XRCC6: variants seen among roughly 807,000 people sequenced by gnomAD.
The protein encoded by XRCC6 is DNA repair protein Ku70.
Under a neutral mutation model 65.7 loss-of-function variants are expected in XRCC6, and 5 were observed. The ratio of observed to expected loss-of-function variants is 0.08; its 90% CI spans 0.04 to 0.16. The LOEUF (loss-of-function observed/expected upper bound fraction) is 0.16, where lower values mean the gene tolerates loss of function less well. Among genes scored for constraint, XRCC6 ranks in the 10% least tolerant of loss-of-function variants. The pLI is 1.00. For missense variants in XRCC6, 447 were observed against 738.1 expected (o/e 0.61, Z 4.57); for synonymous variants, 270 against 270.6 (o/e 1.00, Z 0.02).
intron 7 of XRCC6, among the ~76,000 whole-genome samples, chr22:41,647,702 A>G (rs1477185710): frequency 1.3e-5 from 2 of 151,950 alleles, no homozygotes; most frequent in African/African-American, 4.8e-5. Flanking sequence ...GATTACAGAC[A>G]TTGGCCACTG....
intron 9 of XRCC6, among the ~76,000 whole-genome samples, chr22:41,655,240 GA>G (rs1025231160): frequency 2.6e-5 from 4 of 151,342 alleles, no homozygotes; most frequent in East Asian, 3.9e-4. Flanking sequence ...CTTTAAGGAG[GA>G]AAAAAATATA....
intron 5 of XRCC6, among the ~76,000 whole-genome samples, chr22:41,637,169 C>T (rs774997148): frequency 3.3e-5 from 5 of 150,120 alleles, no homozygotes; most frequent in East Asian, 2.0e-4. Context: ...CTGCAACCTC[C>T]GCCTTCCAGA....
chr22:41,624,950 T>C (rs2067653464), intron 2 of XRCC6, among the ~76,000 whole-genome samples: 1 of 151,798 alleles, frequency 6.6e-6, no homozygotes, highest in South Asian at 2.1e-4. Flanking sequence ...TGAGCCGAGA[T>C]TGCGCCACTG....
chr22:41,621,504 T>A (rs1372705988), intron 1 of XRCC6, 159 bp downstream of exon 1: 1 of 167,020 alleles, frequency 6.0e-6, no homozygotes, highest in Non-Finnish European at 1.3e-5. Flanking sequence ...GAGACCACGC[T>A]CCTTCCTCGG....
intron 6 of XRCC6, among the ~76,000 whole-genome samples, chr22:41,645,630 A>C (rs1032157451): frequency 6.6e-6 from 1 of 151,962 alleles, no homozygotes; most frequent in African/African-American, 2.4e-5. Flanking sequence ...TCCCAAAGAA[A>C]AATTGGGGTG....
At chr22:41,629,514 G>A (rs1453184219) in intron 3 of XRCC6, among the ~76,000 whole-genome samples, 4 of 152,198 alleles carry the variant, frequency 2.6e-5, no homozygotes, top group Non-Finnish European at 5.9e-5. Flanking sequence ...AACGCAGAGG[G>A]GTGGTTGGTT....
intron 6 of XRCC6, among the ~76,000 whole-genome samples, chr22:41,645,458 A>G (rs540501719): frequency 6.6e-6 from 1 of 152,204 alleles, no homozygotes; most frequent in South Asian, 2.1e-4. Flanking sequence ...ATCCTCTGGA[A>G]TCACATCCTT....
intron 2 of XRCC6, among the ~76,000 whole-genome samples, chr22:41,626,791 C>T (rs921387364): frequency 2.6e-5 from 4 of 152,096 alleles, no homozygotes; most frequent in African/African-American, 4.8e-5. Flanking sequence ...GTGTCCACCA[C>T]CACGCCCAGC....
chr22:41,639,329 C>CTTTTTTTTTTGTTTTTTT (rs2067847536), intron 6 of XRCC6, among the ~76,000 whole-genome samples: 1 of 64,560 alleles, frequency 1.5e-5, no homozygotes, highest in Non-Finnish European at 2.7e-5. Flanking sequence ...GATTCTTTTT[C>CTTTTTTTTTTGTTTTTTT]TTTTTTTTTT....
intron 11 of XRCC6, among the ~76,000 whole-genome samples, chr22:41,660,521 CAG>C (rs746089162): frequency 5.9e-5 from 9 of 152,264 alleles, no homozygotes; most frequent in South Asian, 2.1e-4. Flanking sequence ...ATGCAGCTAT[CAG>C]GGGATTCTTT....
intron 12 of XRCC6, among the ~76,000 whole-genome samples, chr22:41,662,878 C>A (rs777997691): frequency 2.0e-5 from 3 of 152,070 alleles, no homozygotes; most frequent in Admixed American, 6.6e-5. Context: ...GTCAGGAGTT[C>A]AAGACCAGCC....
chr22:41,632,559 C>G lies in XRCC6; in HGVS notation c.196-3554C>G, dbSNP rs531386116. Among the ~76,000 whole-genome samples, 47 of 152,122 alleles carry G rather than the reference C, an allele frequency of 3.1e-4. 1 individual carries two copies. Among genetic ancestry groups the G allele is most frequent in the Admixed American group, 2.8e-3 (42 of 15,264 alleles). ...TGGGGAGGTGGACGTTGCAGTGAGC[C>G]AGGATCACGCCACTGCACTCCATCC... is the stretch of plus-strand genomic sequence containing the variant. On this transcript the variant is annotated intron_variant, in intron 3 of 12. Coordinates refer to ENST00000360079, the MANE Select transcript of XRCC6 (RefSeq NM_001469.5).
At chr22:41,648,781 T>C (rs2067961341) in intron 7 of XRCC6, among the ~76,000 whole-genome samples, 1 of 152,188 alleles carries the variant, frequency 6.6e-6, no homozygotes, top group Non-Finnish European at 1.5e-5. Context: ...GAATTTTCTT[T>C]TCCATTTTGG....
chr22:41,643,276 G>T (rs1431223008), intron 6 of XRCC6, among the ~76,000 whole-genome samples: 3 of 152,120 alleles, frequency 2.0e-5, no homozygotes, highest in African/African-American at 7.2e-5. Context: ...AGGCTTGGTG[G>T]TGGGCGCCTG....
At position 41,653,514 on chromosome 22, in the gene XRCC6, C is replaced by G; in HGVS notation, c.1130-15C>G. The G allele has an allele frequency of 1.3e-6, 2 of 1,559,132 alleles. No individual in the cohort carries two copies. The highest frequency in any genetic ancestry group is 1.7e-6 in the Non-Finnish European group (2 of 1,145,606). The stretch of plus-strand genomic sequence containing the variant: ...CCTTTTTAGGAGGCTAGTCACTGGG[C>G]TTTTTGTTTTCTAGGGAGCTCAACC... On this transcript the variant is annotated splice_polypyrimidine_tract_variant and intron_variant, in intron 8 of 12. Transcript: ENST00000360079.
At position 41,663,976 on chromosome 22, in the gene XRCC6, G is replaced by A; in HGVS notation, c.*161G>A. 1 of 757,658 alleles carries A rather than the reference G, an allele frequency of 1.3e-6. No homozygotes were observed. Among genetic ancestry groups the A allele is most frequent in the Non-Finnish European group, 2.1e-6 (1 of 472,152 alleles). 46.9% of individuals were successfully genotyped at this position (757,658 alleles called of 1,614,324 possible). A position where few individuals can be genotyped will look rare whatever the true frequency, so the allele number is the denominator to read the frequency against. On this transcript the variant is annotated 3_prime_UTR_variant, in exon 13 of 13. Coordinates refer to ENST00000360079, the MANE Select transcript of XRCC6 (RefSeq NM_001469.5). ...GGCTTTCTGTTGCCATGGTGATGGT[G>A]TAGCCCTCCCACTTTGCTGTTCCTT... is the stretch of plus-strand genomic sequence containing the variant.
intron 6 of XRCC6, among the ~76,000 whole-genome samples, chr22:41,639,372 T>C: frequency 8.1e-6 from 1 of 123,400 alleles, no homozygotes; most frequent in Admixed American, 1.1e-4. Context: ...AGTCTCACCC[T>C]GTTGCCCAGG....
Position 41,622,040 on chromosome 22 carries a change from C to T in XRCC6, c.36C>T (p.Gly12=), listed in dbSNP as rs376715887. ...GGGAGTCATATTACAAAACCGAGGGCGATGAAGAAGCAGAGGAAGAACAAG... is the reference window on the plus strand; with the variant it reads ...GGGAGTCATATTACAAAACCGAGGGTGATGAAGAAGCAGAGGAAGAACAAG... ...SGWESYYKTE[G]DEEAEEEQEE... The change falls in exon 2 of 13, where the codon GGC becomes GGT. Residue 12 remains glycine (G), a synonymous_variant. Transcript: ENST00000360079. 15 of 1,614,030 alleles carry T rather than the reference C, an allele frequency of 9.3e-6. No homozygotes were observed. Among genetic ancestry groups the T allele is most frequent in the Non-Finnish European group, 1.3e-5 (15 of 1,180,038 alleles).
chr22:41,655,044 G>A (rs1431093435), intron 9 of XRCC6, among the ~76,000 whole-genome samples: 2 of 152,178 alleles, frequency 1.3e-5, no homozygotes, highest in Non-Finnish European at 2.9e-5. Context: ...CCACCAGTTA[G>A]TCACTTAGTA....
Sources: gnomAD v4.1 joint callset for allele counts (sites outside exome capture counted in the v4.1 genomes callset) on GRCh38, gnomAD v4.1.1 for gene constraint, MANE v1.5 for transcripts, NCBI Gene and HGNC (gene_info 2026-07-23, HGNC 2026-07-21) for gene names.